GALT: variants seen among roughly 807,000 people sequenced by gnomAD.
GALT encodes UDP-glucose--hexose-1-phosphate uridylyltransferase.
A neutral mutation model predicts 55.4 loss-of-function variants in GALT; 42 were observed. That is an observed-to-expected ratio of 0.76 (90% CI 0.59 to 0.98). The LOEUF (loss-of-function observed/expected upper bound fraction) is 0.98. Ranked by LOEUF, GALT falls within the 50% of genes least tolerant of loss-of-function variation. GALT has a pLI of 0.00. For synonymous variants in GALT, 154 were observed against 181.5 expected (o/e 0.85, Z 1.22); for missense variants, 407 against 495.7 (o/e 0.82, Z 1.70).
At position 34,647,604 on chromosome 9, in the gene GALT, G is replaced by A; in HGVS notation, c.328+37G>A. ...CCAACTGCTGCTGGGGAGGAGGGTG[G>A]CTAGACCTCTTGAGGGACTTCTGCT... On this transcript the variant is annotated intron_variant, in intron 3 of 10. Coordinates refer to ENST00000378842, the MANE Select transcript of GALT (RefSeq NM_000155.4). This position sits in a 1 kb window ranked among gnomAD's most constrained non-coding sequence, Gnocchi z 5.6. The A allele has an allele frequency of 6.2e-7, 1 of 1,614,036 alleles. No individual in the cohort carries two copies. The highest frequency in any genetic ancestry group is 8.5e-7 in the Non-Finnish European group (1 of 1,179,952).
chr9:34,647,100 A>C lies in GALT; in HGVS notation c.94A>C (p.Ile32Leu). The C allele has an allele frequency of 6.2e-7, 1 of 1,614,122 alleles. No individual in the cohort carries two copies. Among genetic ancestry groups the C allele is most frequent in the Non-Finnish European group, 8.5e-7 (1 of 1,180,024 alleles). The part of the protein sequence containing the change: ...ATFRANDHQH[I>L]RYNPLQDEWV... ...CTGTCTGCCCCCAGACCATCAGCATATCCGCTACAACCCGCTGCAGGATGA... is the reference window on the plus strand; with the variant it reads ...CTGTCTGCCCCCAGACCATCAGCATCTCCGCTACAACCCGCTGCAGGATGA... Residue 32 changes from isoleucine to leucine, a missense_variant, in exon 2 of 11, where the codon ATC becomes CTC. Coordinates refer to ENST00000378842, the MANE Select transcript of GALT (RefSeq NM_000155.4). This position sits in a 1 kb window ranked among gnomAD's most constrained non-coding sequence, Gnocchi z 5.6.
intron 10 of GALT, chr9:34,650,121 A>G: frequency 4.0e-6 from 2 of 494,594 alleles, no homozygotes; most frequent in Non-Finnish European, 3.6e-6. Context: ...CTCTACAAAA[A>G]AAATTTAAAA....
rs111033636 is a variant in GALT, at chr9:34,646,786, G to T, written c.82G>T (p.Asp28Tyr). The T allele has an allele frequency of 6.2e-7, 1 of 1,613,524 alleles. No individual in the cohort carries two copies. Among genetic ancestry groups the T allele is most frequent in the Non-Finnish European group, 8.5e-7 (1 of 1,179,976 alleles). Reference sequence around the variant, plus strand: ...CGCAGCAGCAACCTTCCGGGCAAACGGTAACTGCACCGCGGCAGGGACTCG... The same window carrying T: ...CGCAGCAGCAACCTTCCGGGCAAACTGTAACTGCACCGCGGCAGGGACTCG... ...DAAAATFRAN[D>Y]HQHIRYNPLQ... Residue 28 changes from aspartate to tyrosine, a missense_variant and splice_region_variant, in exon 1 of 11, where the codon GAC becomes TAC. Asp to Tyr is a radical substitution (Grantham distance 160). Coordinates refer to ENST00000378842, the MANE Select transcript of GALT (RefSeq NM_000155.4).
At position 34,648,548 on chromosome 9, in the gene GALT, T is replaced by C; in HGVS notation, c.687+92T>C. ...GTAAAGGAGAAAGCTAGAGGTGAAC[T>C]AGTAGAGAGAGACTTGCTAGGAGGC... On this transcript the variant is annotated intron_variant, in intron 7 of 10. Transcript: ENST00000378842. This position sits in a 1 kb window ranked among gnomAD's most constrained non-coding sequence, Gnocchi z 4.9. 4.4e-6 allele frequency: 7 copies of C among 1,593,388 alleles called. No individual in the cohort carries two copies. The highest frequency in any genetic ancestry group is 6.0e-6 in the Non-Finnish European group (7 of 1,162,530).
In GALT at chr9:34,649,440, A is replaced by G. The variant is rs1228582993; in HGVS notation, c.935A>G (p.Asn312Ser). The G allele has an allele frequency of 2.5e-6, 4 of 1,614,174 alleles. No individual in the cohort carries two copies. The East Asian group carries it at 6.7e-5, about 27-fold the overall frequency. Residue 312 changes from asparagine (N) to serine (S), a missense_variant, in exon 10 of 11, where the codon AAC (asparagine) becomes AGC (serine). Asn to Ser is a conservative substitution (Grantham distance 46, BLOSUM62 1). Transcript: ENST00000378842. ...GAPTGSEAGA[N>S]WNHWQLHAHY... ...CCCACAGGATCAGAGGCTGGGGCCA[A>G]CTGGAACCATTGGCAGCTGCACGCT...
chr9:34,647,592 G>A lies in GALT; in HGVS notation c.328+25G>A. The A allele has an allele frequency of 5.0e-6, 8 of 1,614,110 alleles. No homozygotes were observed. Among genetic ancestry groups the A allele is most frequent in the Non-Finnish European group, 6.8e-6 (8 of 1,179,988 alleles). ...GGTAACCTGGCTCCAACTGCTGCTGGGGAGGAGGGTGGCTAGACCTCTTGA... is the reference window on the plus strand; with the variant it reads ...GGTAACCTGGCTCCAACTGCTGCTGAGGAGGAGGGTGGCTAGACCTCTTGA... On this transcript the variant is annotated intron_variant, in intron 3 of 10. Transcript: ENST00000378842. The surrounding 1 kb of genome is among the most constrained non-coding windows in gnomAD (Gnocchi z 5.6).
At chr9:34,649,206 T>G in intron 9 of GALT, 125 bp downstream of exon 9, 2 of 1,237,924 alleles carry the variant, frequency 1.6e-6, no homozygotes, top group African/African-American at 3.0e-5. Context: ...GTGGCCAGAG[T>G]AGAGATGCTG....
chr9:34,646,676 G>A lies in GALT; in HGVS notation c.-29G>A. 1 of 1,613,436 alleles carries A rather than the reference G, an allele frequency of 6.2e-7. No homozygotes were observed. Among genetic ancestry groups the A allele is most frequent in the Non-Finnish European group, 8.5e-7 (1 of 1,179,936 alleles). On this transcript the variant is annotated 5_prime_UTR_variant, in exon 1 of 11. Transcript: ENST00000378842. ...GTGAAAGGTGAGGCACGGCCCTGCA[G>A]ATTTTCCAGCGGATCCCCCGGTGGC... is the stretch of plus-strand genomic sequence containing the variant.
Position 34,648,268 on chromosome 9 carries a change from G to A in GALT, c.565-66G>A, listed in dbSNP as rs538993858. The A allele has an allele frequency of 2.3e-5, 37 of 1,613,798 alleles. No individual in the cohort carries two copies. The Middle Eastern group carries it at 1.2e-3, about 53-fold the overall frequency. ...TTAATGGATGGGACAGAGGAAATAT[G>A]CCAATGATGTGGAGGCTTGGAGGTA... On this transcript the variant is annotated intron_variant, in intron 6 of 10. Transcript: ENST00000378842. The surrounding 1 kb of genome is among the most constrained non-coding windows in gnomAD (Gnocchi z 4.9).
At position 34,647,825 on chromosome 9, in the gene GALT, C is replaced by T. The variant is rs751084584; in HGVS notation, c.378-7C>T. Reference sequence around the variant, plus strand: ...TCTCGGTTATCTTTTCTCCCGTCACCACCCAGTAAGGTCATGTGCTTCCAC... The same window carrying T: ...TCTCGGTTATCTTTTCTCCCGTCACTACCCAGTAAGGTCATGTGCTTCCAC... On this transcript the variant is annotated splice_region_variant and splice_polypyrimidine_tract_variant and intron_variant, in intron 4 of 10. Coordinates refer to ENST00000378842, the MANE Select transcript of GALT (RefSeq NM_000155.4). The surrounding 1 kb of genome is among the most constrained non-coding windows in gnomAD (Gnocchi z 5.6). 102 of 1,614,126 alleles carry T rather than the reference C, an allele frequency of 6.3e-5. No homozygotes were observed. The East Asian group carries it at 2.2e-3, about 35-fold the overall frequency.
rs398123180 is a variant in GALT at position 34,647,530 on chromosome 9, C to G, written c.291C>G (p.Asn97Lys). ...PQYDSTFLFD[N>K]DFPALQPDAP... ...ACGATAGCACCTTCCTGTTTGACAACGACTTCCCAGCTCTGCAGCCTGATG... is the reference window on the plus strand; with the variant it reads ...ACGATAGCACCTTCCTGTTTGACAAGGACTTCCCAGCTCTGCAGCCTGATG... The change falls in exon 3 of 11, where the codon AAC (asparagine) becomes AAG (lysine). Residue 97 changes from asparagine to lysine, a missense_variant. Asn to Lys is a moderately conservative substitution (Grantham distance 94). Coordinates refer to ENST00000378842, the MANE Select transcript of GALT (RefSeq NM_000155.4). The surrounding 1 kb of genome is among the most constrained non-coding windows in gnomAD (Gnocchi z 5.6). The G allele has an allele frequency of 6.2e-7, 1 of 1,614,080 alleles. No individual in the cohort carries two copies. The highest frequency in any genetic ancestry group is 1.1e-5 in the South Asian group (1 of 91,094).
rs528320335 is a variant in GALT, at chr9:34,647,216, T to G, written c.210T>G (p.Pro70=). The change falls in exon 2 of 11, where the codon CCT becomes CCG. Residue 70 remains proline (P), a synonymous_variant. Coordinates refer to ENST00000378842, the MANE Select transcript of GALT (RefSeq NM_000155.4). The surrounding 1 kb of genome is among the most constrained non-coding windows in gnomAD (Gnocchi z 5.6). ...QLLKTVPRHD[P]LNPLCPGAIR... Reference sequence around the variant, plus strand: ...TGAAGACAGTGCCCCGCCATGACCCTCTCAACCCTCTGTGTCCTGGGGCCA... The same window carrying G: ...TGAAGACAGTGCCCCGCCATGACCCGCTCAACCCTCTGTGTCCTGGGGCCA... The G allele has an allele frequency of 9.9e-6, 16 of 1,614,114 alleles. No homozygotes were observed. The African/African-American group carries it at 1.6e-4, about 16-fold the overall frequency.
At chr9:34,649,366 G>C (rs758355502) in intron 9 of GALT, 44 bp from the exon 10 acceptor site, 133 of 1,613,210 alleles carry the variant, frequency 8.2e-5, no homozygotes, top group Admixed American at 4.8e-4. Flanking sequence ...CTGGATAACT[G>C]TAAAAGGGCT....
In GALT at chr9:34,647,479, T is replaced by G. The variant is rs750300963; in HGVS notation, c.253-13T>G. On this transcript the variant is annotated splice_polypyrimidine_tract_variant and intron_variant, in intron 2 of 10. Transcript: ENST00000378842. The surrounding 1 kb of genome is among the most constrained non-coding windows in gnomAD (Gnocchi z 5.6). ...TGGGGCAGTGAGTGCTTCTAGCCTA[T>G]CCTTGTCGGTAGGTGAATCCCCAGT... is the stretch of plus-strand genomic sequence containing the variant. The G allele has an allele frequency of 2.5e-6, 4 of 1,613,874 alleles. No individual in the cohort carries two copies. In the East Asian group the frequency reaches 8.9e-5, roughly 36 times the overall value.
chr9:34,650,649 G>A lies in GALT; in HGVS notation c.*200G>A. On this transcript the variant is annotated 3_prime_UTR_variant, in exon 11 of 11. Coordinates refer to ENST00000378842, the MANE Select transcript of GALT (RefSeq NM_000155.4). ...TCTAGGGTTAAAAGCTAAAGGCATA[G>A]CTCCAGCTACAACTTTTCTTTGTCT... is the stretch of plus-strand genomic sequence containing the variant. The A allele has an allele frequency of 1.7e-6, 1 of 586,096 alleles. No individual in the cohort carries two copies. The allele number at this position is 586,096 out of a possible 1,614,324, so 36.3% of individuals were successfully genotyped here.
At chr9:34,646,866 A>G (rs1348664481) in intron 1 of GALT, 80 bp downstream of exon 1, 2 of 1,609,482 alleles carry the variant, frequency 1.2e-6, no homozygotes, top group African/African-American at 1.3e-5. Context: ...TCCCCTCCGA[A>G]GGTTGGAACG....
intron 1 of GALT, 111 bp from the exon 2 acceptor site, chr9:34,646,978 A>G (rs1821118139): frequency 6.2e-7 from 1 of 1,606,574 alleles, no homozygotes; most frequent in East Asian, 2.2e-5. Flanking sequence ...CTAGCTCCTG[A>G]GCGGGACAGG....
In GALT at chr9:34,649,502, C is replaced by A; in HGVS notation, c.997C>A (p.Arg333=). The stretch of plus-strand genomic sequence containing the variant: ...TCCGCTCCTGCGCTCTGCCACTGTC[C>A]GGAAATTCATGGTTGGCTACGAAAT... ...YPPLLRSATV[R]KFMVGYEMLA... is the part of the protein sequence containing the mutation. Residue 333 remains arginine (R), a synonymous_variant, in exon 10 of 11, where the codon CGG becomes AGG. Coordinates refer to ENST00000378842, the MANE Select transcript of GALT (RefSeq NM_000155.4). The A allele has an allele frequency of 1.2e-6, 2 of 1,614,166 alleles. No individual in the cohort carries two copies. Among genetic ancestry groups the A allele is most frequent in the South Asian group, 1.1e-5 (1 of 91,086 alleles).
At position 34,649,441 on chromosome 9, in the gene GALT, C is replaced by A. The variant is rs771975129; in HGVS notation, c.936C>A (p.Asn312Lys). The part of the protein sequence containing the change: ...GAPTGSEAGA[N>K]WNHWQLHAHY... The stretch of plus-strand genomic sequence containing the variant: ...CCACAGGATCAGAGGCTGGGGCCAA[C>A]TGGAACCATTGGCAGCTGCACGCTC... Residue 312 changes from asparagine to lysine, a missense_variant, in exon 10 of 11, where the codon AAC becomes AAA. Transcript: ENST00000378842. 3 of 1,614,092 alleles carry A rather than the reference C, an allele frequency of 1.9e-6. No individual in the cohort carries two copies. The highest frequency in any genetic ancestry group is 1.7e-6 in the Non-Finnish European group (2 of 1,180,050).
Sources: allele counts gnomAD v4.1 joint callset, GRCh38; gene constraint gnomAD v4.1.1; non-coding constraint Gnocchi (gnomAD v3.1); transcripts MANE v1.5; gene names NCBI Gene and HGNC (gene_info 2026-07-23, HGNC 2026-07-21).